The following GAS7 variants were observed in gnomAD, a reference collection of about 807,000 sequenced individuals.
GAS7 encodes growth arrest specific 7, also known as growth arrest-specific protein 7.
Under a neutral mutation model 71.1 loss-of-function variants are expected in GAS7, and 28 were observed. That is an observed-to-expected ratio of 0.39 (90% confidence interval 0.29 to 0.54). The LOEUF is 0.54. Ranked by LOEUF, GAS7 falls within the 20% of genes least tolerant of loss-of-function variation. The probability of loss-of-function intolerance (pLI) is 0.62; values close to 1 mark genes in which losing one functional copy is unlikely to be tolerated. For synonymous variants in GAS7, 258 were observed against 245.8 expected (o/e 1.05, Z -0.46); for missense variants, 436 against 627.8 (o/e 0.69, Z 3.27).
intron 11 of GAS7, among the ~76,000 whole-genome samples, chr17:9,921,162 T>C (rs1299926776): frequency 6.6e-6 from 1 of 150,478 alleles, no homozygotes; most frequent in Non-Finnish European, 1.5e-5. Context: ...TTTTTCTTTT[T>C]TTTTTTTTTT....
rs184095812 is a variant in GAS7, at chr17:10,171,708, C to T, written c.183+26500G>A. Among the ~76,000 whole-genome samples, 6 of 152,266 alleles carry T rather than the reference C, an allele frequency of 3.9e-5. 1 individual carries two copies. Among genetic ancestry groups the T allele is most frequent in the East Asian group, 1.9e-4 (1 of 5,178 alleles). On this transcript the variant is annotated intron_variant, in intron 1 of 13. Transcript: ENST00000432992. ...AAGGGACGGGTGAAGCAGTGAAGAA[C>T]GCTGGTCCTAAGCAGTGTTGAAACC...
intron 1 of GAS7, among the ~76,000 whole-genome samples, chr17:10,084,296 C>T (rs543277625): frequency 1.3e-5 from 2 of 152,210 alleles, no homozygotes; most frequent in Non-Finnish European, 2.9e-5. Context: ...TTCATTTCTT[C>T]CCAGTGGTAG....
intron 2 of GAS7, among the ~76,000 whole-genome samples, chr17:9,982,850 AAAGAAAGAAAGAAAGAAAGC>A (rs1194963161): frequency 3.3e-5 from 5 of 151,724 alleles, no homozygotes; most frequent in African/African-American, 9.7e-5. Flanking sequence ...AGAAAGAAAG[AAAGAAAGAAAGAAAGAAAGC>A]AAAGAAAGCA....
Position 9,915,082 on chromosome 17 carries a change from G to C in GAS7, c.*2146C>G. 4.3e-6 allele frequency: 1 copy of C among 231,520 alleles called. No homozygotes were observed. The highest frequency in any genetic ancestry group is 6.1e-5 in the East Asian group (1 of 16,384). 14.3% of individuals were successfully genotyped at this position (231,520 alleles called of 1,614,324 possible). The stretch of plus-strand genomic sequence containing the variant: ...AAAGGAAGTACGTGAAGGGGGTAAA[G>C]AGAAGGAGGTGAGGGGATGAGGGGG... On this transcript the variant is annotated 3_prime_UTR_variant, in exon 14 of 14. Coordinates refer to ENST00000432992, the MANE Select transcript of GAS7 (RefSeq NM_201433.2).
At chr17:10,095,126 A>G (rs1003011462) in intron 1 of GAS7, among the ~76,000 whole-genome samples, 4 of 152,038 alleles carry the variant, frequency 2.6e-5, no homozygotes, top group African/African-American at 9.7e-5. Flanking sequence ...TGATAATAGG[A>G]CCCTCCTTAC....
At chr17:9,993,074 T>A (rs2070907275) in intron 2 of GAS7, among the ~76,000 whole-genome samples, 1 of 152,128 alleles carries the variant, frequency 6.6e-6, no homozygotes, top group Non-Finnish European at 1.5e-5. Flanking sequence ...TACATGTGCA[T>A]CTGTCTTTAT....
chr17:9,981,775 G>A lies in GAS7; in HGVS notation c.385+29C>T, dbSNP rs1298330443. On this transcript the variant is annotated intron_variant, in intron 3 of 13. Coordinates refer to ENST00000432992, the MANE Select transcript of GAS7 (RefSeq NM_201433.2). The surrounding 1 kb of genome is among the most constrained non-coding windows in gnomAD (Gnocchi z 4.4). ...TGAATGTGGCATCAGGGCCCTCCCA[G>A]TTGCCCCAAAGCAGACAGCGGACAT... is the stretch of plus-strand genomic sequence containing the variant. 1.5e-6 allele frequency: 2 copies of A among 1,300,830 alleles called. No individual in the cohort carries two copies. The highest frequency in any genetic ancestry group is 3.4e-5 in the Admixed American group (2 of 59,488). The allele number at this position is 1,300,830 out of a possible 1,614,324, so 80.6% of individuals were successfully genotyped here.
chr17:9,982,824 G>GGAAAGAAAGAAA lies in GAS7; in HGVS notation c.305-952_305-941dup, dbSNP rs56351503. ...AAAGAAAGGAAAGAAAGGAAAGAAAGGAAAGAAAGAAAGAAAGAAAGAAAG... is the reference window on the plus strand; with the variant it reads ...AAAGAAAGGAAAGAAAGGAAAGAAAGGAAAGAAAGAAAGAAAGAAAGAAAGAAAGAAAGAAAG... On this transcript the variant is annotated intron_variant, in intron 2 of 13. Coordinates refer to ENST00000432992, the MANE Select transcript of GAS7 (RefSeq NM_201433.2). 8.6e-3 allele frequency among the ~76,000 whole-genome samples: 998 copies of GGAAAGAAAGAAA among 116,188 alleles called. 7 individuals are homozygous for GGAAAGAAAGAAA. Among genetic ancestry groups the GGAAAGAAAGAAA allele is most frequent in the African/African-American group, 0.016 (405 of 25,142 alleles). The allele number at this position is 116,188 out of a possible 152,430, so 76.2% of individuals were successfully genotyped here.
intron 9 of GAS7, among the ~76,000 whole-genome samples, chr17:9,930,204 C>A (rs1378190247): frequency 6.6e-6 from 1 of 152,220 alleles, no homozygotes; most frequent in Non-Finnish European, 1.5e-5. Context: ...TTTGTTTCAG[C>A]TACAGATGTG....
At chr17:9,960,729 C>T (rs2069454372) in intron 4 of GAS7, among the ~76,000 whole-genome samples, 1 of 152,180 alleles carries the variant, frequency 6.6e-6, no homozygotes, top group Non-Finnish European at 1.5e-5. Flanking sequence ...TGACTATGCC[C>T]CTGCTAAGGT....
intron 1 of GAS7, among the ~76,000 whole-genome samples, chr17:10,109,284 G>C (rs945128003): frequency 6.6e-6 from 1 of 152,084 alleles, no homozygotes; most frequent in East Asian, 1.9e-4. Context: ...AAACCACAAC[G>C]AGCTATCATC....
chr17:10,070,769 T>C (rs1051764057), intron 1 of GAS7, among the ~76,000 whole-genome samples: 8 of 151,954 alleles, frequency 5.3e-5, no homozygotes, highest in African/African-American at 1.9e-4. Flanking sequence ...CCTCCTGCCC[T>C]ATTCTAAATC....
intron 1 of GAS7, among the ~76,000 whole-genome samples, chr17:10,114,809 G>A (rs1300662486): frequency 6.6e-6 from 1 of 151,692 alleles, no homozygotes; most frequent in Non-Finnish European, 1.5e-5. Context: ...CTCACTTCCC[G>A]ACACACAGTT....
intron 1 of GAS7, among the ~76,000 whole-genome samples, chr17:10,181,240 A>G (rs867668878): frequency 4.2e-4 from 64 of 152,050 alleles, no homozygotes; most frequent in African/African-American, 1.4e-3. Flanking sequence ...CATGCCTGTA[A>G]TCCCAGCTAC....
rs181927840 is a variant in GAS7, at chr17:10,082,856, A to G, written c.184-62959T>C. On this transcript the variant is annotated intron_variant, in intron 1 of 13. Coordinates refer to ENST00000432992, the MANE Select transcript of GAS7 (RefSeq NM_201433.2). ...ACAACAATGAGGATGAATGTCAGAC[A>G]TTATCCTGTGCAAAAGAAGCCACAT... is the stretch of plus-strand genomic sequence containing the variant. Among the ~76,000 whole-genome samples the G allele has an allele frequency of 4.5e-3, 678 of 152,340 alleles. 3 individuals carry two copies. Among genetic ancestry groups the G allele is most frequent in the Middle Eastern group, 0.01 (3 of 294 alleles).
At chr17:10,045,019 C>T (rs971338223) in intron 1 of GAS7, among the ~76,000 whole-genome samples, 41 of 130,006 alleles carry the variant, frequency 3.2e-4, no homozygotes, top group African/African-American at 1.1e-3. Context: ...CCAGCCCGGG[C>T]GACAGAGCGA....
chr17:9,982,396 C>T (rs930750298), intron 2 of GAS7, among the ~76,000 whole-genome samples: 13 of 152,194 alleles, frequency 8.5e-5, no homozygotes, highest in Non-Finnish European at 1.3e-4. Context: ...TTCCTGATTT[C>T]GCAGTTCTAA....
Position 9,939,585 on chromosome 17 carries a change from T to C in GAS7, c.806+541A>G, listed in dbSNP as rs374471472. Reference sequence around the variant, plus strand: ...TCAACATCTGGAACGTGGCTCTTGGTCACTAAAGAGAAGACAATGTGGAAG... The same window carrying C: ...TCAACATCTGGAACGTGGCTCTTGGCCACTAAAGAGAAGACAATGTGGAAG... On this transcript the variant is annotated intron_variant, in intron 8 of 13. Transcript: ENST00000432992. Among the ~76,000 whole-genome samples, 112 of 151,304 alleles carry C rather than the reference T, an allele frequency of 7.4e-4. 1 individual carries two copies. Among genetic ancestry groups the C allele is most frequent in the African/African-American group, 2.6e-3 (108 of 41,216 alleles).
At chr17:9,992,539 G>A (rs1411735672) in intron 2 of GAS7, among the ~76,000 whole-genome samples, 1 of 151,302 alleles carries the variant, frequency 6.6e-6, no homozygotes, top group African/African-American at 2.4e-5. Flanking sequence ...GTTTCTAGCA[G>A]GGCCTGGCCT....
Sources: allele counts gnomAD v4.1 joint callset (sites outside exome capture counted in the v4.1 genomes callset), GRCh38; gene constraint gnomAD v4.1.1; non-coding constraint Gnocchi (gnomAD v3.1); transcripts MANE v1.5; gene names NCBI Gene and HGNC (gene_info 2026-07-23, HGNC 2026-07-21).